ACTR5: variants seen among roughly 807,000 people sequenced by gnomAD.
ACTR5 encodes actin related protein 5.
ACTR5 carries 43 observed loss-of-function variants against 61.2 expected under a neutral mutation model. That is an observed-to-expected ratio of 0.70 (90% CI 0.55 to 0.91). ACTR5 has a LOEUF of 0.91. Among genes scored for constraint, ACTR5 ranks in the 40% least tolerant of loss-of-function variants. ACTR5 has a pLI of 0.00. For missense variants in ACTR5, 798 were observed against 782.2 expected, an observed-to-expected ratio of 1.02 and a Z score of -0.24; for synonymous variants, 333 against 310.5, an observed-to-expected ratio of 1.07 and a Z score of -0.76.
chr20:38,760,926 T>C (rs1205135984), intron 5 of ACTR5, among the ~76,000 whole-genome samples: 1 of 151,456 alleles, frequency 6.6e-6, no homozygotes, highest in Non-Finnish European at 1.5e-5. Flanking sequence ...TGGCTCACTG[T>C]AATTTATCCT....
intron 7 of ACTR5, among the ~76,000 whole-genome samples, chr20:38,766,644 A>G (rs996484979): frequency 2.6e-5 from 4 of 152,200 alleles, no homozygotes; most frequent in Non-Finnish European, 5.9e-5. Context: ...CAACCCGATA[A>G]CATGTACACT....
chr20:38,755,744 G>T lies in ACTR5; in HGVS notation c.994-113G>T. ...TGTGAAACTGGAGGCAGCTGGAGGC[G>T]TGGCTCTGGGCAGGGTAGGCCAGGG... On this transcript the variant is annotated intron_variant, in intron 4 of 8. Coordinates refer to ENST00000243903, the MANE Select transcript of ACTR5 (RefSeq NM_024855.4). The T allele has an allele frequency of 2.8e-6, 3 of 1,089,928 alleles. No individual in the cohort carries two copies. The South Asian group carries it at 4.0e-5, about 15-fold the overall frequency. The allele number at this position is 1,089,928 out of a possible 1,614,324, so 67.5% of individuals were successfully genotyped here.
chr20:38,762,411 G>A (rs2084460420), intron 5 of ACTR5, among the ~76,000 whole-genome samples: 1 of 152,232 alleles, frequency 6.6e-6, no homozygotes, highest in African/African-American at 2.4e-5. Flanking sequence ...GACATCATTT[G>A]CACCATACTT....
At chr20:38,750,322 T>C (rs2084379039) in intron 2 of ACTR5, 83 bp downstream of exon 2, 4 of 1,220,434 alleles carry the variant, frequency 3.3e-6, no homozygotes, top group Non-Finnish European at 3.5e-6. Context: ...AAAGGCAGAG[T>C]AGAAAGAGCA....
In ACTR5 at chr20:38,748,754, G is replaced by T. The variant is rs2084367955; in HGVS notation, c.276G>T (p.Trp92Cys). 6.3e-7 allele frequency: 1 copy of T among 1,599,776 alleles called. No homozygotes were observed. The highest frequency in any genetic ancestry group is 8.5e-7 in the Non-Finnish European group (1 of 1,174,884). Reference protein sequence around the residue: ...NALGSLEPLRWMLRSPFDRNV... With the variant: ...NALGSLEPLRCMLRSPFDRNV... ...TGGGCAGCCTGGAGCCACTGCGCTG[G>T]ATGCTGCGCTCGCCCTTCGACCGCA... is the stretch of plus-strand genomic sequence containing the variant. The change falls in exon 1 of 9, where the codon TGG (tryptophan) becomes TGT (cysteine). Residue 92 changes from tryptophan (W) to cysteine (C), a missense_variant. Coordinates refer to ENST00000243903, the MANE Select transcript of ACTR5 (RefSeq NM_024855.4).
At chr20:38,752,458 G>A (rs912858618) in intron 3 of ACTR5, among the ~76,000 whole-genome samples, 158 bp downstream of exon 3, 1 of 152,100 alleles carries the variant, frequency 6.6e-6, no homozygotes, top group Non-Finnish European at 1.5e-5. Flanking sequence ...GATAACTTAT[G>A]TTGTATAGGT....
chr20:38,750,068 G>C lies in ACTR5; in HGVS notation c.434G>C (p.Arg145Pro), dbSNP rs948039153. The C allele has an allele frequency of 1.9e-6, 3 of 1,614,138 alleles. No individual in the cohort carries two copies. The highest frequency in any genetic ancestry group is 2.5e-6 in the Non-Finnish European group (3 of 1,180,028). ...TEAVCNPLYS[R>P]QMMSELLFEC... ...GCTGTGTGCAACCCACTGTATTCAC[G>C]GCAAATGATGTCTGAGCTTCTTTTT... The change falls in exon 2 of 9, where the codon CGG (arginine) becomes CCG (proline). Residue 145 changes from arginine to proline, a missense_variant. Transcript: ENST00000243903.
Position 38,755,909 on chromosome 20 carries a change from T to G in ACTR5, c.1046T>G (p.Leu349Arg). ...MDQFHKALIELNMDSPEELQS... is the reference protein window; with the variant it reads ...MDQFHKALIERNMDSPEELQS... ...CAGTTTCACAAAGCTCTGATAGAGC[T>G]GAATATGGACTCCCCAGAAGAGCTG... The change falls in exon 5 of 9, where the codon CTG becomes CGG. Residue 349 changes from leucine to arginine, a missense_variant. Coordinates refer to ENST00000243903, the MANE Select transcript of ACTR5 (RefSeq NM_024855.4). The G allele has an allele frequency of 6.2e-7, 1 of 1,614,168 alleles. No individual in the cohort carries two copies. The highest frequency in any genetic ancestry group is 8.5e-7 in the Non-Finnish European group (1 of 1,180,040).
chr20:38,766,490 T>C, intron 7 of ACTR5, 113 bp downstream of exon 7: 2 of 1,304,892 alleles, frequency 1.5e-6, no homozygotes, highest in East Asian at 2.4e-5. Flanking sequence ...ACTCTCTTCT[T>C]TTCATTGACT....
intron 3 of ACTR5, among the ~76,000 whole-genome samples, chr20:38,753,712 T>C (rs2084400530): frequency 1.3e-5 from 2 of 152,224 alleles, no homozygotes; most frequent in African/African-American, 4.8e-5. Flanking sequence ...AAAAAAAATC[T>C]ATTCAGTCAA....
chr20:38,767,361 G>A (rs1246573426), intron 7 of ACTR5, 103 bp from the exon 8 acceptor site: 1 of 967,164 alleles, frequency 1.0e-6, no homozygotes, highest in Non-Finnish European at 1.4e-6. Context: ...AGCTTTTTGT[G>A]TAGAAGTTTT....
chr20:38,749,966 T>C (rs2084376475), intron 1 of ACTR5, 44 bp from the exon 2 acceptor site: 26 of 1,539,048 alleles, frequency 1.7e-5, no homozygotes, highest in Non-Finnish European at 2.3e-5. Flanking sequence ...TCAAAAAGAG[T>C]ATTCTGTTAC....
rs1027769176 is a variant in ACTR5 at position 38,767,392 on chromosome 20, T to C, written c.1434-72T>C. ...GTTTTTCTGTTTTGTACTGAGAGCT[T>C]ACATTTCTGCATCCACATTTCGTTC... is the stretch of plus-strand genomic sequence containing the variant. On this transcript the variant is annotated intron_variant, in intron 7 of 8. Coordinates refer to ENST00000243903, the MANE Select transcript of ACTR5 (RefSeq NM_024855.4). 46 of 1,387,574 alleles carry C rather than the reference T, an allele frequency of 3.3e-5. No homozygotes were observed. In the Admixed American group the frequency reaches 1.0e-3, roughly 31 times the overall value. The allele number at this position is 1,387,574 out of a possible 1,614,324, so 86.0% of individuals were successfully genotyped here.
intron 5 of ACTR5, among the ~76,000 whole-genome samples, chr20:38,761,296 G>A (rs547130363): frequency 6.6e-6 from 1 of 152,212 alleles, no homozygotes; most frequent in Non-Finnish European, 1.5e-5. Flanking sequence ...ATCAGGTGGA[G>A]CTATGGGAGG....
chr20:38,771,882 C>T lies in ACTR5; in HGVS notation c.*66C>T. The T allele has an allele frequency of 6.5e-7, 1 of 1,536,540 alleles. No individual in the cohort carries two copies. Among genetic ancestry groups the T allele is most frequent in the South Asian group, 1.2e-5 (1 of 82,284 alleles). On this transcript the variant is annotated 3_prime_UTR_variant, in exon 9 of 9. Transcript: ENST00000243903. ...GGGCCACGTTGGCAGTGTGACAGGACTGTGATTGTGCTAGATGTACCTGCC... is the reference window on the plus strand; with the variant it reads ...GGGCCACGTTGGCAGTGTGACAGGATTGTGATTGTGCTAGATGTACCTGCC...
At chr20:38,754,468 C>T (rs2084405919) in intron 3 of ACTR5, among the ~76,000 whole-genome samples, 1 of 151,994 alleles carries the variant, frequency 6.6e-6, no homozygotes, top group Non-Finnish European at 1.5e-5. Flanking sequence ...GCTGTAATAC[C>T]AGCACTTTGG....
chr20:38,767,574 G>C lies in ACTR5; in HGVS notation c.1544G>C (p.Arg515Thr). The C allele has an allele frequency of 6.2e-7, 1 of 1,613,790 alleles. No homozygotes were observed. The highest frequency in any genetic ancestry group is 8.5e-7 in the Non-Finnish European group (1 of 1,179,828). Residue 515 changes from arginine (R) to threonine (T), a missense_variant, in exon 8 of 9, where the codon AGA becomes ACA. Arg to Thr is a moderately conservative substitution (Grantham distance 71, BLOSUM62 -1). Transcript: ENST00000243903. ...ATGGAGAAGGAACTGTTGGAGATGA[G>C]ACCCTTCCGGTCTTCTTTTCAGGTA... The part of the protein sequence containing the change: ...ARMEKELLEM[R>T]PFRSSFQVQL...
rs1568639556 is a variant in ACTR5, at chr20:38,771,781, GCTGCT to G, written c.1790_1794del (p.Ala597GlyfsTer7). 2 of 1,613,262 alleles carry G rather than the reference GCTGCT, an allele frequency of 1.2e-6. No homozygotes were observed. Among genetic ancestry groups the G allele is most frequent in the Non-Finnish European group, 1.7e-6 (2 of 1,179,892 alleles). ...TGCCCAGGCATCCAGCAAGGGCTCCGCTGCTGGTGGAGGTGGTGCTGGTGAGCAGG... is the reference window on the plus strand; with the variant it reads ...TGCCCAGGCATCCAGCAAGGGCTCCGGGTGGAGGTGGTGCTGGTGAGCAGG... On this transcript the variant is annotated frameshift_variant, in exon 9 of 9. Coordinates refer to ENST00000243903, the MANE Select transcript of ACTR5 (RefSeq NM_024855.4). LOFTEE classifies it high-confidence loss of function.
intron 8 of ACTR5, among the ~76,000 whole-genome samples, chr20:38,768,259 G>C (rs1048031455): frequency 6.6e-6 from 1 of 152,200 alleles, no homozygotes; most frequent in Non-Finnish European, 1.5e-5. Flanking sequence ...ACTGGTGCCT[G>C]TCAAGCGCCC....
Sources: gnomAD v4.1 joint callset for allele counts (sites outside exome capture counted in the v4.1 genomes callset) on GRCh38, gnomAD v4.1.1 for gene constraint, MANE v1.5 for transcripts, NCBI Gene and HGNC (gene_info 2026-07-23, HGNC 2026-07-21) for gene names.